The following P2RY8 variants were observed in gnomAD, a reference collection of about 807,000 sequenced individuals.
P2RY8 encodes S-geranylgeranyl-glutathione receptor P2RY8.
Under a neutral mutation model 10.0 loss-of-function variants are expected in P2RY8, and 6 were observed. That is an observed-to-expected ratio of 0.60 (90% CI 0.33 to 1.19). The LOEUF is 1.19. Ranked by LOEUF, P2RY8 falls within the 50% of genes most tolerant of loss-of-function variation. The probability of loss-of-function intolerance (pLI) is 0.04; values close to 1 mark genes in which losing one functional copy is unlikely to be tolerated. For synonymous variants in P2RY8, 276 were observed against 252.5 expected (o/e 1.09, Z -0.88); for missense variants, 456 against 542.0 (o/e 0.84, Z 1.58).
intron 1 of P2RY8, among the ~76,000 whole-genome samples, chrX:1,496,979 G>A (rs1274962806): frequency 6.6e-6 from 1 of 150,768 alleles, no homozygotes; most frequent in Non-Finnish European, 1.5e-5. Context: ...AGCACTTTGG[G>A]AGGCCGAGGC....
intron 1 of P2RY8, among the ~76,000 whole-genome samples, chrX:1,515,569 C>T (rs1235428101): frequency 6.7e-6 from 1 of 148,934 alleles, no homozygotes; most frequent in African/African-American, 2.5e-5. Flanking sequence ...TGGGATTTCT[C>T]CATGTTGCCC....
rs772638238 is a variant in P2RY8 at position 1,466,408 on chromosome X, G to A, written c.151C>T (p.Arg51Cys). Reference protein sequence around the residue: ...NLFSLWVLCRRMGPRSPSVIF... With the variant: ...NLFSLWVLCRCMGPRSPSVIF... The stretch of plus-strand genomic sequence containing the variant: ...ACCGACGGGGATCTGGGCCCCATGC[G>A]CCGGCACAGCACCCACAGAGAGAAG... The change falls in exon 2 of 2, where the codon CGC (arginine) becomes TGC (cysteine). Residue 51 changes from arginine (R) to cysteine (C), a missense_variant. By Grantham distance (180) the Arg-to-Cys change is radical. Transcript: ENST00000381297. The A allele has an allele frequency of 6.2e-6, 10 of 1,613,322 alleles. No individual in the cohort carries two copies. In the Admixed American group the frequency reaches 1.3e-4, roughly 22 times the overall value.
chrX:1,508,349 G>T (rs2092254130), intron 1 of P2RY8, among the ~76,000 whole-genome samples: 1 of 152,162 alleles, frequency 6.6e-6, no homozygotes. Flanking sequence ...GGGTGGAGGA[G>T]CTCCTGGCAT....
chrX:1,489,328 C>A (rs1341370934), intron 1 of P2RY8, among the ~76,000 whole-genome samples: 1 of 151,588 alleles, frequency 6.6e-6, no homozygotes, highest in Non-Finnish European at 1.5e-5. Flanking sequence ...TTTACTCCTG[C>A]AACAGTGGAG....
intron 1 of P2RY8, among the ~76,000 whole-genome samples, chrX:1,535,203 T>A (rs1227754613): frequency 6.9e-6 from 1 of 144,714 alleles, no homozygotes; most frequent in African/African-American, 2.6e-5. Flanking sequence ...TTTTTTTTTT[T>A]TTGAGACAGA....
At position 1,466,597 on chromosome X, in the gene P2RY8, G is replaced by T; in HGVS notation, c.-24-15C>A. On this transcript the variant is annotated splice_polypyrimidine_tract_variant and intron_variant, in intron 1 of 1. Coordinates refer to ENST00000381297, the MANE Select transcript of P2RY8 (RefSeq NM_178129.5). ...TCGCCCGGGCTCTGCAAGGGAAGGAGGGAAGGGTGTACGGGTCAGGGGCGC... is the reference window on the plus strand; with the variant it reads ...TCGCCCGGGCTCTGCAAGGGAAGGATGGAAGGGTGTACGGGTCAGGGGCGC... 6.3e-7 allele frequency: 1 copy of T among 1,579,998 alleles called. No homozygotes were observed. The highest frequency in any genetic ancestry group is 8.6e-7 in the Non-Finnish European group (1 of 1,167,568).
intron 1 of P2RY8, among the ~76,000 whole-genome samples, chrX:1,505,348 G>C (rs1397184230): frequency 6.6e-6 from 1 of 152,092 alleles, no homozygotes; most frequent in Non-Finnish European, 1.5e-5. Context: ...CCTTTCCGTT[G>C]GCCTTGGCGT....
At chrX:1,532,082 C>T (rs188086615) in intron 1 of P2RY8, among the ~76,000 whole-genome samples, 10,918 of 150,748 alleles carry the variant, frequency 0.072, 533 homozygotes, top group Non-Finnish European at 0.11. Flanking sequence ...GAAAGTAACT[C>T]ATTATATGAA....
At chrX:1,485,819 A>C (rs1420313651) in intron 1 of P2RY8, among the ~76,000 whole-genome samples, 1 of 150,708 alleles carries the variant, frequency 6.6e-6, no homozygotes, top group Non-Finnish European at 1.5e-5. Flanking sequence ...CATATATAAA[A>C]TTATATACAA....
In P2RY8 at chrX:1,470,762, A is replaced by T. The variant is rs2091774535; in HGVS notation, c.-24-4180T>A. Among the ~76,000 whole-genome samples, 6 of 152,036 alleles carry T rather than the reference A, an allele frequency of 3.9e-5. No individual in the cohort carries two copies. In the South Asian group the frequency reaches 1.2e-3, roughly 32 times the overall value. On this transcript the variant is annotated intron_variant, in intron 1 of 1. Coordinates refer to ENST00000381297, the MANE Select transcript of P2RY8 (RefSeq NM_178129.5). ...GAGCTTGAGTCCTTTCAGTGGGTGC[A>T]TAATAGTCTACTGTGTGGATAGACC...
intron 1 of P2RY8, among the ~76,000 whole-genome samples, chrX:1,500,616 TG>T (rs67130335): frequency 0.23 from 34,556 of 151,718 alleles, 4,810 homozygotes; most frequent in East Asian, 0.54. Flanking sequence ...AGCTAATTTT[TG>T]TATTTTTGGT....
intron 1 of P2RY8, among the ~76,000 whole-genome samples, chrX:1,477,915 T>C (rs2091893546): frequency 1.3e-5 from 2 of 152,264 alleles, no homozygotes; most frequent in South Asian, 2.1e-4. Flanking sequence ...GGGACAGTGG[T>C]CTCATCATGG....
At chrX:1,501,946 T>C (rs1219255757) in intron 1 of P2RY8, among the ~76,000 whole-genome samples, 2 of 151,734 alleles carry the variant, frequency 1.3e-5, no homozygotes, top group Non-Finnish European at 2.9e-5. Context: ...AATCTCGCTC[T>C]GTCACCCAGA....
chrX:1,473,821 T>A (rs1603455531), intron 1 of P2RY8, among the ~76,000 whole-genome samples: 1 of 13,518 alleles, frequency 7.4e-5, no homozygotes, highest in South Asian at 4.4e-3. Flanking sequence ...GGTGAGTGGG[T>A]GGGTGGGTGG....
At chrX:1,536,145 T>A (rs2149419772) in intron 1 of P2RY8, among the ~76,000 whole-genome samples, 1 of 152,282 alleles carries the variant, frequency 6.6e-6, no homozygotes. Flanking sequence ...CAAGGTCTCA[T>A]TGCAAACATT....
chrX:1,524,557 GCATCCATC>G lies in P2RY8; in HGVS notation c.-25+12356_-25+12363del, dbSNP rs1245241515. On this transcript the variant is annotated intron_variant, in intron 1 of 1. Transcript: ENST00000381297. ...TCCATCCATCCATCCATCCATGCAT[GCATCCATC>G]CATCCATCCATCCATCCATCCATCC... Among the ~76,000 whole-genome samples, 200 of 64,942 alleles carry G rather than the reference GCATCCATC, an allele frequency of 3.1e-3. 7 individuals carry two copies. The highest frequency in any genetic ancestry group is 8.4e-3 in the African/African-American group (137 of 16,332). 42.6% of individuals were successfully genotyped at this position (64,942 alleles called of 152,430 possible).
In P2RY8 at chrX:1,469,168, C is replaced by G. The variant is rs181277353; in HGVS notation, c.-24-2586G>C. Among the ~76,000 whole-genome samples the G allele has an allele frequency of 3.4e-3, 437 of 129,442 alleles. 5 individuals carry two copies. The highest frequency in any genetic ancestry group is 0.013 in the African/African-American group (423 of 33,072). The allele number at this position is 129,442 out of a possible 152,430, so 84.9% of individuals were successfully genotyped here. A position where few individuals can be genotyped will look rare whatever the true frequency, so the allele number is the denominator to read the frequency against. ...CCTTCCCTCTCTCCTCTCCTTTCCT[C>G]TCCCCTCTCCCCTCTTTTCTTTTCG... On this transcript the variant is annotated intron_variant, in intron 1 of 1. Coordinates refer to ENST00000381297, the MANE Select transcript of P2RY8 (RefSeq NM_178129.5).
chrX:1,466,485 G>C lies in P2RY8; in HGVS notation c.74C>G (p.Ala25Gly). ...QMLRNPAIAV[A>G]LPVVYSLVAA... ...CACCAGCGAGTACACCACGGGCAGG[G>C]CCACCGCGATCGCCGGGTTCCGCAG... Residue 25 changes from alanine to glycine, a missense_variant, in exon 2 of 2, where the codon GCC becomes GGC. By Grantham distance (60) the Ala-to-Gly change is moderately conservative. Transcript: ENST00000381297. 1 of 1,611,644 alleles carries C rather than the reference G, an allele frequency of 6.2e-7. No individual in the cohort carries two copies. Among genetic ancestry groups the C allele is most frequent in the Non-Finnish European group, 8.5e-7 (1 of 1,179,764 alleles).
At chrX:1,535,728 G>GAC (rs1394998161) in intron 1 of P2RY8, among the ~76,000 whole-genome samples, 584 of 54,890 alleles carry the variant, frequency 0.011, 5 homozygotes, top group African/African-American at 0.037. Context: ...CACACACACA[G>GAC]ACACACACAC....
Sources: allele counts gnomAD v4.1 joint callset (sites outside exome capture counted in the v4.1 genomes callset), GRCh38; gene constraint gnomAD v4.1.1; transcripts MANE v1.5; gene names NCBI Gene and HGNC (gene_info 2026-07-23, HGNC 2026-07-21).